The following ZNF536 variants were observed in gnomAD, a reference collection of about 807,000 sequenced individuals.
ZNF536 encodes zinc finger protein 536.
Under a neutral mutation model 84.5 loss-of-function variants are expected in ZNF536, and 13 were observed. That is an observed-to-expected ratio of 0.15 (90% CI 0.10 to 0.24). The LOEUF is 0.24. ZNF536 is among the 10% of genes least tolerant of loss of function. The pLI is 1.00. For missense variants in ZNF536, 1,536 were observed against 1,747.5 expected (o/e 0.88, Z 2.16); for synonymous variants, 811 against 742.5 (o/e 1.09, Z -1.50).
intron 1 of ZNF536, among the ~76,000 whole-genome samples, chr19:30,674,553 T>G (rs2050684408): frequency 6.6e-6 from 1 of 152,126 alleles, no homozygotes; most frequent in African/African-American, 2.4e-5. Context: ...ATGCCCTCAA[T>G]CCAGGTGGGC....
At chr19:30,454,642 A>G (rs2052754100) in intron 2 of ZNF536, among the ~76,000 whole-genome samples, 1 of 152,252 alleles carries the variant, frequency 6.6e-6, no homozygotes, top group South Asian at 2.1e-4. Context: ...ATGTGGCATC[A>G]TAATCCCTGT....
intron 2 of ZNF536, among the ~76,000 whole-genome samples, chr19:30,517,743 C>T (rs2044143225): frequency 2.6e-5 from 4 of 152,150 alleles, no homozygotes; most frequent in South Asian, 4.1e-4. Flanking sequence ...GATCACACCA[C>T]TGCATTCCAG....
Position 30,444,966 on chromosome 19 carries a change from G to A in ZNF536, c.1404G>A (p.Lys468=), listed in dbSNP as rs771069756. ...LPMKEKEALG[K]LLSPISSMAH... Reference sequence around the variant, plus strand: ...TGAAGGAGAAGGAAGCGCTGGGGAAGCTGCTGTCTCCCATCTCCAGCATGG... The same window carrying A: ...TGAAGGAGAAGGAAGCGCTGGGGAAACTGCTGTCTCCCATCTCCAGCATGG... Residue 468 remains lysine, a synonymous_variant, in exon 2 of 5, where the codon AAG becomes AAA. Coordinates refer to ENST00000355537, the MANE Select transcript of ZNF536 (RefSeq NM_014717.3). 1.2e-6 allele frequency: 2 copies of A among 1,611,604 alleles called. No homozygotes were observed. Among genetic ancestry groups the A allele is most frequent in the African/African-American group, 2.7e-5 (2 of 74,906 alleles).
chr19:30,582,740 C>T (rs2046966599), intron 1 of ZNF536, among the ~76,000 whole-genome samples: 2 of 151,996 alleles, frequency 1.3e-5, no homozygotes, highest in Admixed American at 1.3e-4. Flanking sequence ...TGGCAGCAGA[C>T]AAGAGAGGGA....
At chr19:30,531,995 G>A (rs370536479) in intron 2 of ZNF536, among the ~76,000 whole-genome samples, 1 of 152,162 alleles carries the variant, frequency 6.6e-6, no homozygotes, top group African/African-American at 2.4e-5. Context: ...AAGAGAACAT[G>A]AGGACATTCT....
downstream of ZNF536, among the ~76,000 whole-genome samples, chr19:30,560,890 G>A (rs890369359): frequency 1.3e-5 from 2 of 152,244 alleles, no homozygotes; most frequent in Non-Finnish European, 2.9e-5. Flanking sequence ...CTCTGCGTAA[G>A]CAGATTCTGC....
intron 2 of ZNF536, among the ~76,000 whole-genome samples, chr19:30,484,682 CTTCTTT>C (rs1231835772): frequency 1.6e-5 from 2 of 125,592 alleles, no homozygotes; most frequent in African/African-American, 3.7e-5. Context: ...TCTTCTTCTT[CTTCTTT>C]TTTTTTTTTT....
At chr19:30,314,528 G>A (rs964050546) in intron 2 of ZNF536, among the ~76,000 whole-genome samples, 22 of 152,112 alleles carry the variant, frequency 1.4e-4, no homozygotes, top group African/African-American at 5.1e-4. Flanking sequence ...GAGCCACACC[G>A]TGTTCCCAGA....
intron 2 of ZNF536, among the ~76,000 whole-genome samples, chr19:30,483,040 G>T (rs1196114542): frequency 6.6e-6 from 1 of 152,182 alleles, no homozygotes; most frequent in African/African-American, 2.4e-5. Context: ...CTGGGGACAG[G>T]GGTGCCCCAT....
At chr19:30,611,038 C>T (rs1315871432) in intron 1 of ZNF536, among the ~76,000 whole-genome samples, 1 of 152,196 alleles carries the variant, frequency 6.6e-6, no homozygotes, top group Non-Finnish European at 1.5e-5. Context: ...CTGGGCTTCC[C>T]TGCCATTTTG....
chr19:30,712,058 A>C (rs1257455066), exon 2 of ZNF536: 1 of 34,866 alleles, frequency 2.9e-5, no homozygotes, highest in Non-Finnish European at 4.4e-5. Flanking sequence ...TTGTATTAAA[A>C]TATGATCTAA....
intron 1 of ZNF536, among the ~76,000 whole-genome samples, chr19:30,229,578 G>GGGT (rs935203603): frequency 2.0e-5 from 3 of 152,078 alleles, no homozygotes; most frequent in Non-Finnish European, 4.4e-5. Context: ...TGGTGGGGGG[G>GGGT]GCTCAGCTTT....
In ZNF536 at chr19:30,422,266, T is replaced by C. The variant is rs111233185; in HGVS notation, c.-2-21295T>C. Among the ~76,000 whole-genome samples, 970 of 152,250 alleles carry C rather than the reference T, an allele frequency of 6.4e-3. 20 individuals carry two copies. The highest frequency in any genetic ancestry group is 0.022 in the African/African-American group (930 of 41,518). ...GAAAACCTCCTGAAGACAAGACATA[T>C]TGACCTAAGAGGTTTAGGATGGATT... is the stretch of plus-strand genomic sequence containing the variant. On this transcript the variant is annotated intron_variant, in intron 1 of 4. Transcript: ENST00000355537.
At chr19:30,264,988 A>C (rs1166279476) in intron 1 of ZNF536, among the ~76,000 whole-genome samples, 1 of 151,790 alleles carries the variant, frequency 6.6e-6, no homozygotes, top group Non-Finnish European at 1.5e-5. Context: ...AGAGAAAGAG[A>C]GATTCATTGA....
chr19:30,569,559 CTTTTTTT>C (rs34995610), intron 1 of ZNF536, among the ~76,000 whole-genome samples: 930 of 54,924 alleles, frequency 0.017, 5 homozygotes, highest in African/African-American at 0.034. Context: ...GATAAACGTT[CTTTTTTT>C]TTTTTTTTTT....
At chr19:30,355,823 G>A (rs2048077024) in intron 3 of ZNF536, among the ~76,000 whole-genome samples, 1 of 152,250 alleles carries the variant, frequency 6.6e-6, no homozygotes, top group East Asian at 1.9e-4. Flanking sequence ...TAGGTTGCGT[G>A]CTCCTTATGA....
intron 1 of ZNF536, among the ~76,000 whole-genome samples, chr19:30,667,322 T>C (rs1451265512): frequency 2.0e-5 from 3 of 152,170 alleles, no homozygotes. Context: ...AGGGGTGACT[T>C]GCACACAGGC....
chr19:30,674,722 C>G (rs1877952327), intron 1 of ZNF536, among the ~76,000 whole-genome samples: 1 of 152,182 alleles, frequency 6.6e-6, no homozygotes, highest in Non-Finnish European at 1.5e-5. Flanking sequence ...TTCAGCTTGT[C>G]CAGCTTGCCT....
intron 1 of ZNF536, among the ~76,000 whole-genome samples, chr19:30,378,707 C>T (rs952303235): frequency 6.6e-6 from 1 of 152,180 alleles, no homozygotes; most frequent in East Asian, 1.9e-4. Flanking sequence ...AGCCGAGGTC[C>T]CTTTTGCTCT....
Sources: gnomAD v4.1 joint callset for allele counts (sites outside exome capture counted in the v4.1 genomes callset) on GRCh38, gnomAD v4.1.1 for gene constraint, MANE v1.5 for transcripts, NCBI Gene and HGNC (gene_info 2026-07-23, HGNC 2026-07-21) for gene names.